FYN: variants seen among roughly 807,000 people sequenced by gnomAD.
FYN encodes the protein tyrosine-protein kinase Fyn.
FYN carries 10 observed loss-of-function variants against 70.2 expected under a neutral mutation model. That is an observed-to-expected ratio of 0.14 (90% CI 0.09 to 0.24). FYN has a LOEUF of 0.24. Ranked by LOEUF, FYN falls within the 10% of genes least tolerant of loss-of-function variation. The pLI is 1.00. For missense variants in FYN, 319 were observed against 673.1 expected (o/e 0.47, Z 5.82); for synonymous variants, 236 against 248.6 (o/e 0.95, Z 0.48).
chr6:111,855,551 A>G (rs914900577), intron 1 of FYN, among the ~76,000 whole-genome samples: 2 of 152,244 alleles, frequency 1.3e-5, no homozygotes, highest in African/African-American at 4.8e-5. Flanking sequence ...ACTTTTTGTG[A>G]CAAAGCCAAT....
chr6:111,759,616 C>T (rs556526401), intron 3 of FYN, among the ~76,000 whole-genome samples: 1 of 152,290 alleles, frequency 6.6e-6, no homozygotes, highest in South Asian at 2.1e-4. Context: ...GGTTCTTGCC[C>T]TTCAGGACTT....
intron 2 of FYN, among the ~76,000 whole-genome samples, chr6:111,809,195 A>G (rs1241029945): frequency 6.6e-6 from 1 of 152,234 alleles, no homozygotes; most frequent in African/African-American, 2.4e-5. Context: ...GCAAACAAAC[A>G]TATGATGTGC....
intron 12 of FYN, among the ~76,000 whole-genome samples, chr6:111,674,865 A>C (rs560230150): frequency 1.3e-5 from 2 of 152,304 alleles, no homozygotes; most frequent in South Asian, 2.1e-4. Flanking sequence ...AGGGGGGAAG[A>C]AGCCCTGGTT....
intron 3 of FYN, among the ~76,000 whole-genome samples, chr6:111,729,545 T>TA (rs1223644949): frequency 6.6e-6 from 1 of 151,980 alleles, no homozygotes; most frequent in African/African-American, 2.4e-5. Flanking sequence ...ACACGCCTTT[T>TA]AAAAAAATGA....
At chr6:111,834,711 G>A (rs1773123450) in intron 2 of FYN, among the ~76,000 whole-genome samples, 1 of 152,192 alleles carries the variant, frequency 6.6e-6, no homozygotes, top group African/African-American at 2.4e-5. Context: ...CTCAGGAGCT[G>A]CAGGCGGCAG....
At chr6:111,736,304 A>G (rs756864300) in intron 3 of FYN, among the ~76,000 whole-genome samples, 7 of 152,186 alleles carry the variant, frequency 4.6e-5, no homozygotes, top group African/African-American at 7.2e-5. Context: ...AAAAAATATA[A>G]TATTAACACA....
At chr6:111,681,679 T>C (rs1798786713) in intron 12 of FYN, among the ~76,000 whole-genome samples, 1 of 152,176 alleles carries the variant, frequency 6.6e-6, no homozygotes, top group Non-Finnish European at 1.5e-5. Context: ...ATCTCTCCAA[T>C]GCACCTAGCG....
chr6:111,738,143 G>C (rs993643901), intron 3 of FYN, among the ~76,000 whole-genome samples: 1 of 152,146 alleles, frequency 6.6e-6, no homozygotes, highest in African/African-American at 2.4e-5. Context: ...TGTGGAACAA[G>C]AGCTCCACAC....
At chr6:111,715,326 C>A (rs923752324) in intron 4 of FYN, among the ~76,000 whole-genome samples, 3 of 152,032 alleles carry the variant, frequency 2.0e-5, no homozygotes, top group African/African-American at 7.2e-5. Context: ...AGTGATCCCC[C>A]TGGCTTGGCC....
intron 3 of FYN, among the ~76,000 whole-genome samples, chr6:111,730,084 T>G (rs1801380023): frequency 6.6e-6 from 1 of 152,190 alleles, no homozygotes; most frequent in Non-Finnish European, 1.5e-5. Flanking sequence ...GAGAGGCAAC[T>G]CCTTCTAGAA....
chr6:111,854,655 A>G (rs1773775923), intron 1 of FYN, among the ~76,000 whole-genome samples: 1 of 152,264 alleles, frequency 6.6e-6, no homozygotes, highest in Non-Finnish European at 1.5e-5. Flanking sequence ...TTGAATCGTT[A>G]TACTATTTTA....
intron 2 of FYN, among the ~76,000 whole-genome samples, chr6:111,843,455 T>A (rs1223906447): frequency 6.6e-6 from 1 of 152,228 alleles, no homozygotes; most frequent in African/African-American, 2.4e-5. Flanking sequence ...ACTGTAACCC[T>A]CAAGAATTCT....
At chr6:111,768,390 T>A (rs1234823980) in intron 3 of FYN, among the ~76,000 whole-genome samples, 1 of 152,204 alleles carries the variant, frequency 6.6e-6, no homozygotes, top group Non-Finnish European at 1.5e-5. Context: ...ATACTCCTCA[T>A]GGTAGGGAAA....
intron 2 of FYN, among the ~76,000 whole-genome samples, chr6:111,810,710 C>A (rs1369309330): frequency 6.6e-6 from 1 of 152,208 alleles, no homozygotes; most frequent in Non-Finnish European, 1.5e-5. Flanking sequence ...CACATGCCTA[C>A]ACACCCCTGC....
At chr6:111,762,752 C>G (rs1562510513) in intron 3 of FYN, among the ~76,000 whole-genome samples, 1 of 151,898 alleles carries the variant, frequency 6.6e-6, no homozygotes, top group Non-Finnish European at 1.5e-5. Flanking sequence ...GAAGAACTGC[C>G]TTGGGCCACA....
intron 2 of FYN, among the ~76,000 whole-genome samples, chr6:111,823,120 T>C (rs945486904): frequency 9.2e-5 from 14 of 152,206 alleles, no homozygotes; most frequent in African/African-American, 3.4e-4. Context: ...GAAAAATTCT[T>C]GTCAATTTTA....
intron 3 of FYN, among the ~76,000 whole-genome samples, chr6:111,728,334 ATTTCATT>A (rs912788808): frequency 2.6e-5 from 4 of 152,178 alleles, no homozygotes; most frequent in Non-Finnish European, 2.9e-5. Context: ...TATTTTTAAA[ATTTCATT>A]TAAAGTGAGA....
chr6:111,756,250 AAT>A (rs1447903905), intron 3 of FYN, among the ~76,000 whole-genome samples: 2 of 152,090 alleles, frequency 1.3e-5, no homozygotes, highest in African/African-American at 4.8e-5. Flanking sequence ...TGAAATGAAG[AAT>A]ATCACAGAAA....
intron 12 of FYN, among the ~76,000 whole-genome samples, chr6:111,684,229 A>G (rs1010660169): frequency 2.0e-5 from 3 of 152,328 alleles, no homozygotes; most frequent in East Asian, 3.9e-4. Flanking sequence ...GACAAGAACC[A>G]AGGAGTGGAA....
Sources: allele counts gnomAD v4.1 joint callset (sites outside exome capture counted in the v4.1 genomes callset), GRCh38; gene constraint gnomAD v4.1.1; transcripts MANE v1.5; gene names NCBI Gene and HGNC (gene_info 2026-07-23, HGNC 2026-07-21).